The following KCNIP1 variants were observed in gnomAD, a reference collection of about 807,000 sequenced individuals.
The protein encoded by KCNIP1 is potassium voltage-gated channel interacting protein 1, also known as A-type potassium channel modulatory protein KCNIP1.
A neutral mutation model predicts 33.0 loss-of-function variants in KCNIP1; 18 were observed. That is an observed-to-expected ratio of 0.55 (90% confidence interval 0.38 to 0.81). The LOEUF is 0.81. KCNIP1 is among the 30% of genes least tolerant of loss of function. The probability of loss-of-function intolerance (pLI) is 0.00; values close to 1 mark genes in which losing one functional copy is unlikely to be tolerated. For missense variants in KCNIP1, 238 were observed against 271.6 expected (o/e 0.88, Z 0.87); for synonymous variants, 93 against 98.3 (o/e 0.95, Z 0.32).
At chr5:170,659,924 A>G (rs937019972) in intron 1 of KCNIP1, among the ~76,000 whole-genome samples, 2 of 152,172 alleles carry the variant, frequency 1.3e-5, no homozygotes, top group African/African-American at 4.8e-5. Flanking sequence ...TCCTTCCAGG[A>G]GTAGAATGAT....
At chr5:170,624,726 G>GGT (rs1384465086) in intron 1 of KCNIP1, among the ~76,000 whole-genome samples, 5 of 102,218 alleles carry the variant, frequency 4.9e-5, no homozygotes, top group East Asian at 9.3e-4. Flanking sequence ...AAGGAGACCG[G>GGT]GGAGGTGGGG....
intron 1 of KCNIP1, among the ~76,000 whole-genome samples, chr5:170,683,274 A>G (rs1218798281): frequency 6.6e-6 from 1 of 152,214 alleles, no homozygotes; most frequent in South Asian, 2.1e-4. Context: ...TCTAAGGAAA[A>G]CATTTTAAAT....
intron 1 of KCNIP1, among the ~76,000 whole-genome samples, chr5:170,624,733 G>GGGT (rs1554105633): frequency 2.7e-4 from 18 of 67,524 alleles, no homozygotes; most frequent in African/African-American, 1.0e-3. Context: ...CCGGGGAGGT[G>GGGT]GGGGGGGAGA....
intron 1 of KCNIP1, among the ~76,000 whole-genome samples, chr5:170,441,181 GC>G (rs1214282772): frequency 1.3e-5 from 2 of 152,190 alleles, no homozygotes; most frequent in Non-Finnish European, 2.9e-5. Flanking sequence ...GCCCAGCAGG[GC>G]CTCTGCCCTG....
chr5:170,653,486 C>G (rs1211656429), intron 1 of KCNIP1, among the ~76,000 whole-genome samples: 1 of 152,112 alleles, frequency 6.6e-6, no homozygotes, highest in Non-Finnish European at 1.5e-5. Context: ...TTGTGATGTT[C>G]TCTCTGCCCA....
rs539570305 is a variant in KCNIP1 at position 170,449,022 on chromosome 5, G to A, written c.88+95058G>A. Among the ~76,000 whole-genome samples, 34 of 152,260 alleles carry A rather than the reference G, an allele frequency of 2.2e-4. 1 individual carries two copies. Among genetic ancestry groups the A allele is most frequent in the Middle Eastern group, 3.4e-3 (1 of 294 alleles). On this transcript the variant is annotated intron_variant, in intron 1 of 7. Coordinates refer to the KCNIP1 transcript ENST00000377360. ...TCAAGGAAGCGAATTCTCCTTGTGG[G>A]TTAACATCATCACAGTGGCAATTCC...
chr5:170,407,769 C>T (rs963052720), intron 1 of KCNIP1, among the ~76,000 whole-genome samples: 1 of 152,238 alleles, frequency 6.6e-6, no homozygotes, highest in Admixed American at 6.5e-5. Context: ...AGTGCCCAAT[C>T]TGAAAATGTG....
intron 1 of KCNIP1, among the ~76,000 whole-genome samples, chr5:170,529,874 G>A (rs1033204974): frequency 1.3e-5 from 2 of 152,118 alleles, no homozygotes; most frequent in Non-Finnish European, 2.9e-5. Context: ...GGTCTTCCCC[G>A]AGAATGTCTC....
At chr5:170,438,805 C>T (rs974516145) in intron 1 of KCNIP1, among the ~76,000 whole-genome samples, 2 of 152,156 alleles carry the variant, frequency 1.3e-5, no homozygotes, top group African/African-American at 4.8e-5. Context: ...CCTGATGCCC[C>T]ATTCCCCCTC....
chr5:170,515,308 T>C (rs1755080536), intron 1 of KCNIP1, among the ~76,000 whole-genome samples: 1 of 152,214 alleles, frequency 6.6e-6, no homozygotes, highest in African/African-American at 2.4e-5. Flanking sequence ...CGATTGCCTA[T>C]TGCATCTGTT....
intron 1 of KCNIP1, among the ~76,000 whole-genome samples, chr5:170,484,381 G>A (rs1460561638): frequency 2.6e-5 from 4 of 152,114 alleles, no homozygotes; most frequent in Non-Finnish European, 5.9e-5. Flanking sequence ...TTCAGATGGC[G>A]AAAACAAGCT....
At chr5:170,492,164 A>C (rs747846777) in intron 1 of KCNIP1, among the ~76,000 whole-genome samples, 1 of 152,204 alleles carries the variant, frequency 6.6e-6, no homozygotes, top group Admixed American at 6.5e-5. Context: ...GGCCAGTCTC[A>C]GACCCCCTGT....
chr5:170,456,419 A>G (rs1756375938), intron 1 of KCNIP1, among the ~76,000 whole-genome samples: 1 of 152,126 alleles, frequency 6.6e-6, no homozygotes, highest in Non-Finnish European at 1.5e-5. Flanking sequence ...TGGCACATGT[A>G]TACCTGTGTA....
intron 1 of KCNIP1, among the ~76,000 whole-genome samples, chr5:170,400,823 G>A (rs1311329170): frequency 1.3e-5 from 2 of 152,162 alleles, no homozygotes; most frequent in African/African-American, 4.8e-5. Flanking sequence ...CTGTGGTGGT[G>A]GAAATGTTCT....
At chr5:170,697,621 C>T (rs888543142) in intron 1 of KCNIP1, among the ~76,000 whole-genome samples, 6 of 152,214 alleles carry the variant, frequency 3.9e-5, no homozygotes, top group Non-Finnish European at 8.8e-5. Flanking sequence ...CCCCATCTGT[C>T]TGGCTGCAGA....
chr5:170,704,045 T>C (rs1285347874), intron 1 of KCNIP1, among the ~76,000 whole-genome samples: 1 of 137,364 alleles, frequency 7.3e-6, no homozygotes, highest in Non-Finnish European at 1.5e-5. Context: ...AGAGAGAGCT[T>C]TTTTTTGCAG....
At chr5:170,370,310 T>C (rs1258330856) in intron 1 of KCNIP1, among the ~76,000 whole-genome samples, 1 of 152,200 alleles carries the variant, frequency 6.6e-6, no homozygotes, top group Admixed American at 6.5e-5. Flanking sequence ...TTCACATTCA[T>C]GATTGATGAT....
At chr5:170,554,205 CA>C (rs1417818312) in intron 1 of KCNIP1, among the ~76,000 whole-genome samples, 1 of 151,944 alleles carries the variant, frequency 6.6e-6, no homozygotes, top group East Asian at 1.9e-4. Context: ...AAATCCAGCC[CA>C]GGGGGCACTA....
Position 170,676,212 on chromosome 5 carries a change from GAAA to G in KCNIP1, c.62-42545_62-42543del, listed in dbSNP as rs1194699508. Among the ~76,000 whole-genome samples, 12 of 147,414 alleles carry G rather than the reference GAAA, an allele frequency of 8.1e-5. No individual in the cohort carries two copies. The East Asian group carries it at 2.5e-3, about 30-fold the overall frequency. ...GAAAGGAAAGGAAAGGAAAGGAAAGGAAAGGAAAGGATTACAGGTGGGAGGGAG... is the reference window on the plus strand; with the variant it reads ...GAAAGGAAAGGAAAGGAAAGGAAAGGGGAAAGGATTACAGGTGGGAGGGAG... On this transcript the variant is annotated intron_variant, in intron 1 of 7. Transcript: ENST00000328939.
Sources: allele counts gnomAD v4.1 joint callset (sites outside exome capture counted in the v4.1 genomes callset), GRCh38; gene constraint gnomAD v4.1.1; transcripts MANE v1.5; gene names NCBI Gene and HGNC (gene_info 2026-07-23, HGNC 2026-07-21).